The following CSMD1 variants were observed in gnomAD, a reference collection of about 807,000 sequenced individuals.
CSMD1 encodes the protein CUB and sushi domain-containing protein 1.
Under a neutral mutation model 417.5 loss-of-function variants are expected in CSMD1, and 213 were observed. The observed-to-expected ratio is 0.51, with a 90% CI of 0.46 to 0.57. The LOEUF is 0.57. Ranked by LOEUF, CSMD1 falls within the 20% of genes least tolerant of loss-of-function variation. The pLI is 0.00. For missense variants in CSMD1, 6,923 were observed against 4,529.7 expected (o/e 1.53, Z -15.17); for synonymous variants, 2,862 against 1,736.8 (o/e 1.65, Z -16.11).
intron 10 of CSMD1, among the ~76,000 whole-genome samples, chr8:3,527,763 T>G (rs1563123939): frequency 6.6e-6 from 1 of 152,202 alleles, no homozygotes; most frequent in Non-Finnish European, 1.5e-5. Flanking sequence ...TGTACTGTTT[T>G]ATTCAACCCT....
chr8:3,600,859 G>T (rs1338277386), intron 8 of CSMD1, among the ~76,000 whole-genome samples: 2 of 152,132 alleles, frequency 1.3e-5, no homozygotes, highest in South Asian at 4.1e-4. Flanking sequence ...TGCAAACACA[G>T]TATTTTATTA....
chr8:3,513,254 G>C (rs1048764611), intron 10 of CSMD1, among the ~76,000 whole-genome samples: 1 of 151,664 alleles, frequency 6.6e-6, no homozygotes, highest in Non-Finnish European at 1.5e-5. Flanking sequence ...CCCCTATTTG[G>C]AAATTATTTT....
intron 3 of CSMD1, among the ~76,000 whole-genome samples, chr8:4,365,764 A>C (rs1802033109): frequency 6.6e-6 from 1 of 152,130 alleles, no homozygotes. Context: ...CCGGTGACCG[A>C]ATTTATAGTC....
intron 3 of CSMD1, among the ~76,000 whole-genome samples, chr8:4,214,656 G>C (rs1474033055): frequency 6.6e-6 from 1 of 152,118 alleles, no homozygotes; most frequent in Non-Finnish European, 1.5e-5. Flanking sequence ...ACGTGTATGT[G>C]TGTGTGTATG....
intron 3 of CSMD1, among the ~76,000 whole-genome samples, chr8:4,176,161 A>G (rs1325282203): frequency 6.6e-6 from 1 of 151,990 alleles, no homozygotes; most frequent in East Asian, 1.9e-4. Context: ...AAGAGACTCT[A>G]TGTCTTGATC....
At chr8:4,428,536 G>A (rs1232665392) in intron 2 of CSMD1, among the ~76,000 whole-genome samples, 8 of 152,116 alleles carry the variant, frequency 5.3e-5, no homozygotes, top group Non-Finnish European at 8.8e-5. Flanking sequence ...ACACACAGAA[G>A]TATGTTAACA....
At chr8:4,108,067 CAGAGACAGAGAG>C (rs1324014655) in intron 3 of CSMD1, among the ~76,000 whole-genome samples, 35 of 512 alleles carry the variant, frequency 0.068, no homozygotes, top group East Asian at 0.43. Context: ...GAGACAGAGA[CAGAGACAGAGAG>C]AGAGACAGAG....
intron 2 of CSMD1, among the ~76,000 whole-genome samples, chr8:4,433,424 G>C (rs556790502): frequency 1.3e-5 from 2 of 152,116 alleles, no homozygotes; most frequent in African/African-American, 4.8e-5. Flanking sequence ...CTTTGAACCA[G>C]GAATAGGGCA....
chr8:4,582,865 C>T (rs577436707), intron 2 of CSMD1, among the ~76,000 whole-genome samples: 9 of 152,356 alleles, frequency 5.9e-5, no homozygotes, highest in African/African-American at 2.2e-4. Flanking sequence ...GTGCGAGGCA[C>T]TTGCGGGCCA....
At chr8:4,278,408 G>A (rs1228692514) in intron 3 of CSMD1, among the ~76,000 whole-genome samples, 1 of 152,118 alleles carries the variant, frequency 6.6e-6, no homozygotes, top group Non-Finnish European at 1.5e-5. Context: ...AATACATATT[G>A]AGCCACATGA....
At chr8:4,711,170 AC>A (rs1808271131) in intron 1 of CSMD1, among the ~76,000 whole-genome samples, 1 of 151,214 alleles carries the variant, frequency 6.6e-6, no homozygotes, top group African/African-American at 2.4e-5. Context: ...AAAAAAAAAA[AC>A]CATGATCCTT....
At chr8:4,605,609 T>C (rs1275391271) in intron 2 of CSMD1, among the ~76,000 whole-genome samples, 1 of 152,252 alleles carries the variant, frequency 6.6e-6, no homozygotes, top group African/African-American at 2.4e-5. Flanking sequence ...CAATAAAATC[T>C]AACCATGACC....
chr8:3,732,506 A>C (rs1796323049), intron 6 of CSMD1, among the ~76,000 whole-genome samples: 1 of 151,040 alleles, frequency 6.6e-6, no homozygotes, highest in African/African-American at 2.5e-5. Context: ...AATAGCTATA[A>C]GAGGAAAATA....
chr8:4,878,487 CATGATGATG>C (rs543113293), intron 1 of CSMD1, among the ~76,000 whole-genome samples: 1 of 151,348 alleles, frequency 6.6e-6, no homozygotes, highest in Middle Eastern at 3.4e-3. Flanking sequence ...AGCATAGAAT[CATGATGATG>C]ATGATGATGA....
intron 2 of CSMD1, among the ~76,000 whole-genome samples, chr8:4,525,624 T>C (rs1796473951): frequency 6.6e-6 from 1 of 152,158 alleles, no homozygotes; most frequent in Admixed American, 6.5e-5. Flanking sequence ...GCAAAAGTAA[T>C]AGCGGTTTTT....
At chr8:4,695,052 C>A (rs1300333717) in intron 1 of CSMD1, among the ~76,000 whole-genome samples, 2 of 152,248 alleles carry the variant, frequency 1.3e-5, no homozygotes, top group East Asian at 1.9e-4. Context: ...CCCCTTCCCC[C>A]TTATGGGAAT....
intron 1 of CSMD1, among the ~76,000 whole-genome samples, chr8:4,962,479 G>C (rs371994877): frequency 6.6e-6 from 1 of 152,118 alleles, no homozygotes; most frequent in African/African-American, 2.4e-5. Context: ...CTAAAGCTCT[G>C]AGATTCCAGG....
At chr8:2,971,521 A>G (rs1365262883) in intron 57 of CSMD1, among the ~76,000 whole-genome samples, 1 of 152,184 alleles carries the variant, frequency 6.6e-6, no homozygotes, top group African/African-American at 2.4e-5. Context: ...CATAGAAATG[A>G]CAATGTCTCT....
chr8:3,536,861 G>A (rs979965963), intron 10 of CSMD1, among the ~76,000 whole-genome samples: 2 of 152,202 alleles, frequency 1.3e-5, no homozygotes, highest in Non-Finnish European at 2.9e-5. Context: ...CTGTGGCTCA[G>A]ATAAGAATCC....
Sources: gnomAD v4.1 joint callset for allele counts (sites outside exome capture counted in the v4.1 genomes callset) on GRCh38, gnomAD v4.1.1 for gene constraint, MANE v1.5 for transcripts, NCBI Gene and HGNC (gene_info 2026-07-23, HGNC 2026-07-21) for gene names.